Variants in NCOA1 observed in about 807,000 individuals in gnomAD.
NCOA1 encodes the protein nuclear receptor coactivator 1, also known as Hin-2 protein.
Under a neutral mutation model 150.9 loss-of-function variants are expected in NCOA1, and 35 were observed. The observed-to-expected ratio is 0.23, with a 90% CI of 0.18 to 0.31. NCOA1 has a LOEUF of 0.31. Among genes scored for constraint, NCOA1 ranks in the 10% least tolerant of loss-of-function variants. The pLI is 1.00. For synonymous variants in NCOA1, 590 were observed against 630.0 expected (o/e 0.94, Z 0.95); for missense variants, 1,491 against 1,749.3 (o/e 0.85, Z 2.63).
At chr2:24,528,782 A>G (rs910029443) in intron 1 of NCOA1, among the ~76,000 whole-genome samples, 7 of 152,216 alleles carry the variant, frequency 4.6e-5, no homozygotes, top group Non-Finnish European at 8.8e-5. Flanking sequence ...ATTTATGTTT[A>G]TTTTTAACCC....
At chr2:24,704,173 A>G (rs1673297740) in intron 11 of NCOA1, among the ~76,000 whole-genome samples, 2 of 152,222 alleles carry the variant, frequency 1.3e-5, no homozygotes, top group African/African-American at 4.8e-5. Context: ...TAAAAATTCA[A>G]ACATTAAAAA....
chr2:24,560,117 C>T (rs535938179), intron 1 of NCOA1, among the ~76,000 whole-genome samples: 1 of 152,258 alleles, frequency 6.6e-6, no homozygotes, highest in South Asian at 2.1e-4. Flanking sequence ...GGTCAAGGCA[C>T]GTGGAAAATC....
chr2:24,696,117 A>G (rs1340928571), intron 10 of NCOA1, among the ~76,000 whole-genome samples: 2 of 152,184 alleles, frequency 1.3e-5, no homozygotes, highest in East Asian at 3.8e-4. Context: ...TAAATGACAA[A>G]ATTTCCTTGA....
intron 7 of NCOA1, among the ~76,000 whole-genome samples, chr2:24,675,941 A>C (rs370671563): frequency 2.6e-5 from 4 of 152,282 alleles, no homozygotes; most frequent in Admixed American, 2.6e-4. Flanking sequence ...AATGATTACT[A>C]TATGTACCTG....
rs184959465 is a variant in NCOA1, at chr2:24,532,225, T to C, written c.-395-32070T>C. Among the ~76,000 whole-genome samples, 294 of 152,366 alleles carry C rather than the reference T, an allele frequency of 1.9e-3. 1 individual carries two copies. Among genetic ancestry groups the C allele is most frequent in the African/African-American group, 6.3e-3 (264 of 41,590 alleles). On this transcript the variant is annotated intron_variant, in intron 1 of 22. Coordinates refer to ENST00000348332, the MANE Select transcript of NCOA1 (RefSeq NM_003743.5). ...ATGACCAGTGATGATGAGCATTTTT[T>C]CATGTGTCTGTGGCTACATAAATGT...
chr2:24,669,292 C>T (rs897666788), intron 6 of NCOA1, among the ~76,000 whole-genome samples: 3 of 152,254 alleles, frequency 2.0e-5, no homozygotes, highest in East Asian at 1.9e-4. Context: ...CTTTTTGGCT[C>T]TGCCATTCCT....
At chr2:24,654,446 A>G (rs1160691914) in intron 4 of NCOA1, among the ~76,000 whole-genome samples, 1 of 152,218 alleles carries the variant, frequency 6.6e-6, no homozygotes, top group Non-Finnish European at 1.5e-5. Flanking sequence ...ATCATTTTTT[A>G]TACATGTTTA....
At chr2:24,576,733 G>A (rs1667008053) in intron 2 of NCOA1, among the ~76,000 whole-genome samples, 1 of 152,188 alleles carries the variant, frequency 6.6e-6, no homozygotes, top group African/African-American at 2.4e-5. Context: ...TTTGATCTCA[G>A]TGTTTCAGGT....
intron 3 of NCOA1, among the ~76,000 whole-genome samples, chr2:24,613,973 G>A (rs1184938836): frequency 1.3e-5 from 2 of 152,046 alleles, no homozygotes; most frequent in South Asian, 2.1e-4. Context: ...TTTCTTTGAT[G>A]TTTGCCTTTG....
Position 24,707,633 on chromosome 2 carries a change from G to C in NCOA1, c.2163G>C (p.Val721=), listed in dbSNP as rs771927373. ...ACAGTGCATCTACTTCTGTGTCAGT[G>C]ACTGGACAGGTACAAGGAAACTCCA... ...KKDSASTSVS[V]TGQVQGNSSI... is the part of the protein sequence containing the mutation. The change falls in exon 13 of 23, where the codon GTG becomes GTC. Residue 721 remains valine, a synonymous_variant. Coordinates refer to ENST00000348332, the MANE Select transcript of NCOA1 (RefSeq NM_003743.5). 6.2e-7 allele frequency: 1 copy of C among 1,614,186 alleles called. No individual in the cohort carries two copies. The highest frequency in any genetic ancestry group is 1.1e-5 in the South Asian group (1 of 91,076).
intron 1 of NCOA1, among the ~76,000 whole-genome samples, chr2:24,531,578 G>A (rs914663794): frequency 1.3e-4 from 19 of 151,992 alleles, no homozygotes; most frequent in Non-Finnish European, 2.8e-4. Context: ...TTTACATTAG[G>A]TATTTATCCT....
At chr2:24,572,942 A>G (rs1163768615) in intron 2 of NCOA1, among the ~76,000 whole-genome samples, 1 of 152,182 alleles carries the variant, frequency 6.6e-6, no homozygotes, top group Non-Finnish European at 1.5e-5. Flanking sequence ...TTTGAATAAC[A>G]AATGTGTATG....
At chr2:24,724,331 T>G (rs1558316565) in intron 14 of NCOA1, among the ~76,000 whole-genome samples, 1 of 152,180 alleles carries the variant, frequency 6.6e-6, no homozygotes, top group Non-Finnish European at 1.5e-5. Context: ...TGACCAAAAA[T>G]ATTTCATTTA....
intron 14 of NCOA1, among the ~76,000 whole-genome samples, chr2:24,721,524 T>A (rs1365497089): frequency 6.6e-6 from 1 of 152,240 alleles, no homozygotes; most frequent in Non-Finnish European, 1.5e-5. Flanking sequence ...GCCCTACTTC[T>A]CAGTTGTTGT....
At chr2:24,646,230 A>G (rs1420837036) in intron 4 of NCOA1, among the ~76,000 whole-genome samples, 1 of 152,120 alleles carries the variant, frequency 6.6e-6, no homozygotes, top group East Asian at 1.9e-4. Context: ...CCAATTATAA[A>G]CATTTTATGG....
At chr2:24,519,641 C>G (rs1332901036) in intron 1 of NCOA1, among the ~76,000 whole-genome samples, 2 of 141,382 alleles carry the variant, frequency 1.4e-5, no homozygotes, top group Non-Finnish European at 3.1e-5. Context: ...GCAGCAAAGG[C>G]CCTGTCTCTA....
intron 8 of NCOA1, among the ~76,000 whole-genome samples, chr2:24,684,141 C>T (rs898564923): frequency 1.3e-5 from 2 of 152,140 alleles, no homozygotes; most frequent in African/African-American, 4.8e-5. Flanking sequence ...ATAGGTAATA[C>T]TTAATTAAGA....
At chr2:24,521,154 A>G (rs1020220361) in intron 1 of NCOA1, among the ~76,000 whole-genome samples, 2 of 152,176 alleles carry the variant, frequency 1.3e-5, no homozygotes, top group African/African-American at 4.8e-5. Flanking sequence ...AAAATGTTAC[A>G]TGCTTATGGT....
At chr2:24,493,738 A>G (rs1326163010) in intron 1 of NCOA1, among the ~76,000 whole-genome samples, 1 of 152,180 alleles carries the variant, frequency 6.6e-6, no homozygotes, top group Non-Finnish European at 1.5e-5. Context: ...TTTCATTTCT[A>G]GAAATCTGGG....
Sources: allele counts gnomAD v4.1 joint callset (sites outside exome capture counted in the v4.1 genomes callset), GRCh38; gene constraint gnomAD v4.1.1; transcripts MANE v1.5; gene names NCBI Gene and HGNC (gene_info 2026-07-23, HGNC 2026-07-21).